The following LRRC4C variants were observed in gnomAD, a reference collection of about 807,000 sequenced individuals.
The protein encoded by LRRC4C is leucine-rich repeat-containing protein 4C.
Under a neutral mutation model 33.6 loss-of-function variants are expected in LRRC4C, and 5 were observed. That is an observed-to-expected ratio of 0.15 (90% CI 0.08 to 0.31). LRRC4C has a LOEUF of 0.31. Among genes scored for constraint, LRRC4C ranks in the 10% least tolerant of loss-of-function variants. The pLI is 1.00. For missense variants in LRRC4C, 560 were observed against 796.7 expected (o/e 0.70, Z 3.58); for synonymous variants, 329 against 302.0 (o/e 1.09, Z -0.93).
intron 3 of LRRC4C, among the ~76,000 whole-genome samples, chr11:40,635,311 T>G (rs1418317011): frequency 6.6e-6 from 1 of 152,162 alleles, no homozygotes; most frequent in African/African-American, 2.4e-5. Flanking sequence ...TACAGGAAGA[T>G]TTTTCTAAAG....
At chr11:40,884,022 C>A (rs1955312307) in intron 2 of LRRC4C, among the ~76,000 whole-genome samples, 1 of 151,780 alleles carries the variant, frequency 6.6e-6, no homozygotes, top group Non-Finnish European at 1.5e-5. Context: ...GTTTTAAGCC[C>A]CGCATGCATT....
chr11:40,236,546 G>C (rs1164139288), intron 5 of LRRC4C, among the ~76,000 whole-genome samples: 1 of 152,040 alleles, frequency 6.6e-6, no homozygotes, highest in Non-Finnish European at 1.5e-5. Flanking sequence ...AGTTAGGTGG[G>C]GCCAGATGAC....
intron 2 of LRRC4C, among the ~76,000 whole-genome samples, chr11:40,902,185 A>T (rs977410353): frequency 1.9e-4 from 29 of 152,008 alleles, no homozygotes; most frequent in Admixed American, 2.0e-4. Context: ...TTTGTGTCAC[A>T]TTTTTGTAAT....
At chr11:40,680,594 A>G (rs144412402) in intron 2 of LRRC4C, among the ~76,000 whole-genome samples, 3 of 152,300 alleles carry the variant, frequency 2.0e-5, no homozygotes, top group East Asian at 3.9e-4. Context: ...TGTTAAAAGC[A>G]TGAGTTTCTC....
At chr11:41,093,571 C>G (rs896405183) in intron 1 of LRRC4C, among the ~76,000 whole-genome samples, 1 of 152,012 alleles carries the variant, frequency 6.6e-6, no homozygotes, top group Non-Finnish European at 1.5e-5. Flanking sequence ...TCTTTATCCT[C>G]TCTTGAAAAC....
At chr11:40,367,046 G>A (rs1257267931) in intron 3 of LRRC4C, among the ~76,000 whole-genome samples, 1 of 152,004 alleles carries the variant, frequency 6.6e-6, no homozygotes, top group Admixed American at 6.6e-5. Flanking sequence ...GGGAATGAAG[G>A]CACAGATGTG....
intron 4 of LRRC4C, among the ~76,000 whole-genome samples, chr11:40,257,429 A>G (rs977261482): frequency 3.3e-5 from 5 of 152,118 alleles, no homozygotes; most frequent in Non-Finnish European, 5.9e-5. Context: ...CCTAAAAAAC[A>G]TTTTGTCTTT....
intron 1 of LRRC4C, among the ~76,000 whole-genome samples, chr11:41,068,525 A>G (rs891989697): frequency 6.6e-6 from 1 of 152,214 alleles, no homozygotes; most frequent in Non-Finnish European, 1.5e-5. Context: ...ATAAAAAATG[A>G]TAAACAGGAT....
chr11:40,964,227 T>A (rs533637363), intron 1 of LRRC4C, among the ~76,000 whole-genome samples: 2 of 151,824 alleles, frequency 1.3e-5, no homozygotes, highest in South Asian at 2.1e-4. Flanking sequence ...GTGTTAGATA[T>A]TATTTTTATC....
intron 1 of LRRC4C, among the ~76,000 whole-genome samples, chr11:41,159,877 A>C (rs777705310): frequency 1.8e-4 from 28 of 152,162 alleles, no homozygotes; most frequent in Non-Finnish European, 3.8e-4. Context: ...ACTGCCTTGT[A>C]AGTGCATTTG....
chr11:41,290,424 G>T (rs183840321), intron 1 of LRRC4C, among the ~76,000 whole-genome samples: 1 of 152,106 alleles, frequency 6.6e-6, no homozygotes, highest in South Asian at 2.1e-4. Flanking sequence ...CTACAAATAC[G>T]TGTTGTAGGG....
intron 1 of LRRC4C, among the ~76,000 whole-genome samples, chr11:41,365,969 G>C (rs1435850129): frequency 1.3e-5 from 2 of 152,172 alleles, no homozygotes; most frequent in African/African-American, 2.4e-5. Flanking sequence ...TCCTCAAAGA[G>C]TTTGGAGTAG....
rs1307713082 is a variant in LRRC4C at position 40,115,996 on chromosome 11, C to G, written c.297G>C (p.Leu99Phe). 2.5e-6 allele frequency: 4 copies of G among 1,613,970 alleles called. No homozygotes were observed. In the African/African-American group the frequency reaches 5.3e-5, roughly 22 times the overall value. The part of the protein sequence containing the change: ...QIIKVNSFKH[L>F]RHLEILQLSR... ...TCAACTGTAGGATTTCCAAGTGTCT[C>G]AAGTGCTTGAAGCTGTTCACTTTGA... The change falls in exon 7 of 7, where the codon TTG becomes TTC. Residue 99 changes from leucine to phenylalanine, a missense_variant. Leu to Phe is a conservative substitution (Grantham distance 22). Coordinates refer to ENST00000528697, the MANE Select transcript of LRRC4C (RefSeq NM_001258419.2). The surrounding 1 kb of genome is among the most constrained non-coding windows in gnomAD (Gnocchi z 6.7).
chr11:40,305,768 A>C, intron 4 of LRRC4C, among the ~76,000 whole-genome samples: 1 of 152,192 alleles, frequency 6.6e-6, no homozygotes, highest in East Asian at 1.9e-4. Context: ...AACCTCTCTA[A>C]GCCTCAAAGA....
At chr11:41,189,239 G>A (rs187688287) in intron 1 of LRRC4C, among the ~76,000 whole-genome samples, 2 of 152,252 alleles carry the variant, frequency 1.3e-5, no homozygotes, top group Admixed American at 6.5e-5. Context: ...CATTGAACAT[G>A]GTCAGTGCTA....
intron 1 of LRRC4C, among the ~76,000 whole-genome samples, chr11:41,433,511 C>T (rs1955314260): frequency 6.6e-6 from 1 of 152,146 alleles, no homozygotes; most frequent in African/African-American, 2.4e-5. Flanking sequence ...AGGAGATTAA[C>T]ATTTGAGTCA....
At chr11:40,433,568 A>G (rs1276512712) in intron 3 of LRRC4C, among the ~76,000 whole-genome samples, 1 of 152,212 alleles carries the variant, frequency 6.6e-6, no homozygotes, top group Non-Finnish European at 1.5e-5. Flanking sequence ...TTAGATAGTT[A>G]CTAACTCTGA....
chr11:41,034,913 G>A (rs192143135), intron 1 of LRRC4C, among the ~76,000 whole-genome samples: 202 of 149,734 alleles, frequency 1.3e-3, no homozygotes, highest in African/African-American at 4.7e-3. Flanking sequence ...TTTGATAATT[G>A]TAATTTTGAT....
intron 2 of LRRC4C, among the ~76,000 whole-genome samples, chr11:40,809,548 T>C (rs572952364): frequency 1.6e-4 from 25 of 152,272 alleles, no homozygotes; most frequent in Middle Eastern, 6.8e-3. Flanking sequence ...AACTTTTTGC[T>C]GTAAGTAGAT....
Sources: allele counts gnomAD v4.1 joint callset (sites outside exome capture counted in the v4.1 genomes callset), GRCh38; gene constraint gnomAD v4.1.1; non-coding constraint Gnocchi (gnomAD v3.1); transcripts MANE v1.5; gene names NCBI Gene and HGNC (gene_info 2026-07-23, HGNC 2026-07-21).